Variants in RPS6KA1 observed in about 807,000 individuals in gnomAD.
RPS6KA1 encodes ribosomal protein S6 kinase alpha-1.
A neutral mutation model predicts 91.3 loss-of-function variants in RPS6KA1; 48 were observed. The observed-to-expected ratio is 0.53, with a 90% CI of 0.42 to 0.67. The LOEUF is 0.67. Ranked by LOEUF, RPS6KA1 falls within the 30% of genes least tolerant of loss-of-function variation. The pLI is 0.00. For missense variants in RPS6KA1, 719 were observed against 960.5 expected (o/e 0.75, Z 3.32); for synonymous variants, 359 against 384.7 (o/e 0.93, Z 0.78).
At chr1:26,570,187 T>G (rs767538713) in intron 17 of RPS6KA1, among the ~76,000 whole-genome samples, 1 of 152,034 alleles carries the variant, frequency 6.6e-6, no homozygotes, top group Non-Finnish European at 1.5e-5. Context: ...GGATTGACTA[T>G]GAATGGAACT....
Position 26,574,424 on chromosome 1 carries a change from G to A in RPS6KA1, c.*223G>A, listed in dbSNP as rs755547404. ...CTCTGCTGGTGGAAAGCGATTCACT[G>A]TATAAACTTTTTTTTATGAAAAAAA... On this transcript the variant is annotated 3_prime_UTR_variant, in exon 22 of 22. Transcript: ENST00000374168. The surrounding 1 kb of genome is among the most constrained non-coding windows in gnomAD (Gnocchi z 4.3). 5 of 755,836 alleles carry A rather than the reference G, an allele frequency of 6.6e-6. No homozygotes were observed. The highest frequency in any genetic ancestry group is 7.4e-6 in the Non-Finnish European group (3 of 405,940). 46.8% of individuals were successfully genotyped at this position (755,836 alleles called of 1,614,324 possible).
At chr1:26,552,013 G>A (rs1442361275) in intron 6 of RPS6KA1, among the ~76,000 whole-genome samples, 3 of 152,206 alleles carry the variant, frequency 2.0e-5, no homozygotes, top group Non-Finnish European at 4.4e-5. Context: ...TGAAGATAGG[G>A]GAGAAGCCCA....
chr1:26,573,151 G>T, intron 20 of RPS6KA1, 73 bp from the exon 21 acceptor site: 1 of 1,487,608 alleles, frequency 6.7e-7, no homozygotes, highest in Non-Finnish European at 9.2e-7. Context: ...GGAGATGGTT[G>T]CCCTCCTGTG....
chr1:26,533,610 C>A (rs2075884722), intron 1 of RPS6KA1, among the ~76,000 whole-genome samples: 1 of 152,128 alleles, frequency 6.6e-6, no homozygotes, highest in African/African-American at 2.4e-5. Flanking sequence ...GAGGCTGAGG[C>A]AGAAGAATTG....
At chr1:26,544,688 A>G (rs1216146155) in intron 2 of RPS6KA1, among the ~76,000 whole-genome samples, 1 of 151,440 alleles carries the variant, frequency 6.6e-6, no homozygotes, top group Non-Finnish European at 1.5e-5. Flanking sequence ...GTTAGCCAGG[A>G]TGGTCTCGAT....
chr1:26,557,775 T>TCCC (rs2076115844), intron 13 of RPS6KA1, among the ~76,000 whole-genome samples: 1 of 88,906 alleles, frequency 1.1e-5, no homozygotes, highest in African/African-American at 4.5e-5. Flanking sequence ...TCCCCTCCCC[T>TCCC]CTCCTCCCCT....
rs138370781 is a variant in RPS6KA1, at chr1:26,561,577, C to A, written c.1504C>A (p.Leu502Met). 1 of 1,614,142 alleles carries A rather than the reference C, an allele frequency of 6.2e-7. No homozygotes were observed. The highest frequency in any genetic ancestry group is 1.3e-5 in the African/African-American group (1 of 75,024). The change falls in exon 17 of 22, where the codon CTG (leucine) becomes ATG (methionine). Residue 502 changes from leucine (L) to methionine (M), a missense_variant. Leu to Met is a conservative substitution (Grantham distance 15). Transcript: ENST00000374168. This position sits in a 1 kb window ranked among gnomAD's most constrained non-coding sequence, Gnocchi z 5.7. ...GGGTGGGGAGCTGCTGGACAAGATC[C>A]TGCGGCAGAAGTTCTTCTCAGAGCG... ...MRGGELLDKI[L>M]RQKFFSEREA...
intron 13 of RPS6KA1, among the ~76,000 whole-genome samples, chr1:26,557,888 G>A (rs1169422245): frequency 6.7e-6 from 1 of 150,312 alleles, no homozygotes; most frequent in Non-Finnish European, 1.5e-5. Flanking sequence ...GAATGCAATG[G>A]CGTGATCTCA....
chr1:26,555,528 C>G lies in RPS6KA1; in HGVS notation c.828-9C>G, dbSNP rs1387932606. 30 of 1,579,110 alleles carry G rather than the reference C, an allele frequency of 1.9e-5. No individual in the cohort carries two copies. In the East Asian group the frequency reaches 7.0e-4, roughly 37 times the overall value. On this transcript the variant is annotated splice_polypyrimidine_tract_variant and intron_variant, in intron 10 of 21. Transcript: ENST00000374168. This position sits in a 1 kb window ranked among gnomAD's most constrained non-coding sequence, Gnocchi z 4.3. ...GCTCAGCCTTGATGAGTCCCGGGGG[C>G]TGTTTCAGGGCGAAGCTAGGCATGC...
At position 26,533,535 on chromosome 1, in the gene RPS6KA1, G is replaced by A. The variant is rs191830504; in HGVS notation, c.64-3390G>A. Among the ~76,000 whole-genome samples, 56 of 152,164 alleles carry A rather than the reference G, an allele frequency of 3.7e-4. No homozygotes were observed. In the East Asian group the frequency reaches 0.01, roughly 28 times the overall value. ...AGCTGGGCCAACATGGCGAAACCCC[G>A]CCTCTACTAAAAATACAAAAATTAG... On this transcript the variant is annotated intron_variant, in intron 1 of 21. Transcript: ENST00000374168.
At chr1:26,564,898 G>A (rs986801020) in intron 17 of RPS6KA1, among the ~76,000 whole-genome samples, 3 of 152,184 alleles carry the variant, frequency 2.0e-5, no homozygotes, top group Admixed American at 6.6e-5. Flanking sequence ...GTTCTTAAGT[G>A]AGTACTCGTT....
chr1:26,536,895 T>C, intron 1 of RPS6KA1, 30 bp from the exon 2 acceptor site: 1 of 1,613,450 alleles, frequency 6.2e-7, no homozygotes, highest in South Asian at 1.1e-5. Flanking sequence ...GTTCTGACAG[T>C]GCTCCCCCAA....
chr1:26,561,202 G>A lies in RPS6KA1; in HGVS notation c.1431+68G>A, dbSNP rs2076151707. 6.3e-6 allele frequency: 9 copies of A among 1,426,670 alleles called. No individual in the cohort carries two copies. The highest frequency in any genetic ancestry group is 8.9e-6 in the Non-Finnish European group (9 of 1,015,346). 88.4% of individuals were successfully genotyped at this position (1,426,670 alleles called of 1,614,324 possible). ...AACTCTCAGGATTTGTCTCAGGATT[G>A]CCATTCCTTTGACTTCTCATCCTCT... is the stretch of plus-strand genomic sequence containing the variant. On this transcript the variant is annotated intron_variant, in intron 16 of 21. Coordinates refer to ENST00000374168, the MANE Select transcript of RPS6KA1 (RefSeq NM_002953.4). The surrounding 1 kb of genome is among the most constrained non-coding windows in gnomAD (Gnocchi z 5.7).
At position 26,537,031 on chromosome 1, in the gene RPS6KA1, G is replaced by A. The variant is rs2075912028; in HGVS notation, c.108+62G>A. 21 of 1,581,266 alleles carry A rather than the reference G, an allele frequency of 1.3e-5. No homozygotes were observed. In the East Asian group the frequency reaches 1.8e-4, roughly 13 times the overall value. ...TGGGGGATCCTGTTTGCATGGCTTTGGAGGAGGTTGAGGGCTCCAGCCTCT... is the reference window on the plus strand; with the variant it reads ...TGGGGGATCCTGTTTGCATGGCTTTAGAGGAGGTTGAGGGCTCCAGCCTCT... On this transcript the variant is annotated intron_variant, in intron 2 of 21. Transcript: ENST00000374168.
Position 26,555,764 on chromosome 1 carries a change from T to C in RPS6KA1, c.916+139T>C, listed in dbSNP as rs2124643447. The C allele has an allele frequency of 1.2e-6, 1 of 817,932 alleles. No individual in the cohort carries two copies. The highest frequency in any genetic ancestry group is 2.0e-6 in the Non-Finnish European group (1 of 495,676). The allele number at this position is 817,932 out of a possible 1,614,324, so 50.7% of individuals were successfully genotyped here. A position where few individuals can be genotyped will look rare whatever the true frequency, so the allele number is the denominator to read the frequency against. ...CAGACAATGCCGCGGGCCACCCTGC[T>C]TTCTGGCTCCATGTGTGGTGTTGTG... On this transcript the variant is annotated intron_variant, in intron 11 of 21. Coordinates refer to ENST00000374168, the MANE Select transcript of RPS6KA1 (RefSeq NM_002953.4). This position sits in a 1 kb window ranked among gnomAD's most constrained non-coding sequence, Gnocchi z 4.3.
Position 26,571,529 on chromosome 1 carries a change from C to G in RPS6KA1, c.1671C>G (p.Asp557Glu). 6.2e-7 allele frequency: 1 copy of G among 1,614,270 alleles called. No individual in the cohort carries two copies. Among genetic ancestry groups the G allele is most frequent in the South Asian group, 1.1e-5 (1 of 91,086 alleles). Reference sequence around the variant, plus strand: ...ATCCCGAGTGCCTGCGCATCTGTGACTTTGGTTTTGCCAAACAGCTGCGGG... The same window carrying G: ...ATCCCGAGTGCCTGCGCATCTGTGAGTTTGGTTTTGCCAAACAGCTGCGGG... ...SGNPECLRIC[D>E]FGFAKQLRAE... The change falls in exon 18 of 22, where the codon GAC becomes GAG. Residue 557 changes from aspartate to glutamate, a missense_variant. By Grantham distance (45) the Asp-to-Glu change is conservative. Around this residue, in one of 5 missense-constraint regions of RPS6KA1, gnomAD observed 249 missense variants for 323.1 expected, o/e 0.77. Coordinates refer to ENST00000374168, the MANE Select transcript of RPS6KA1 (RefSeq NM_002953.4). The surrounding 1 kb of genome is among the most constrained non-coding windows in gnomAD (Gnocchi z 5.1).
Position 26,558,747 on chromosome 1 carries a change from C to A in RPS6KA1, c.1085-60C>A. ...GGCCCTGTGCTCCCCCTTTGCTGGGCTGCCTCAGGGTCGAGGGGACCTCCT... is the reference window on the plus strand; with the variant it reads ...GGCCCTGTGCTCCCCCTTTGCTGGGATGCCTCAGGGTCGAGGGGACCTCCT... On this transcript the variant is annotated intron_variant, in intron 13 of 21. Coordinates refer to ENST00000374168, the MANE Select transcript of RPS6KA1 (RefSeq NM_002953.4). The surrounding 1 kb of genome is among the most constrained non-coding windows in gnomAD (Gnocchi z 4.0). 6.5e-7 allele frequency: 1 copy of A among 1,548,806 alleles called. No individual in the cohort carries two copies. The highest frequency in any genetic ancestry group is 8.8e-7 in the Non-Finnish European group (1 of 1,139,088).
chr1:26,554,609 C>A lies in RPS6KA1; in HGVS notation c.627C>A (p.Ser209Arg). ...GHIKLTDFGLSKEAIDHEKKA... is the reference protein window; with the variant it reads ...GHIKLTDFGLRKEAIDHEKKA... ...TCCTTGCTGTAGACTTTGGCCTGAG[C>A]AAAGAGGCCATTGACCACGAGAAGA... Residue 209 changes from serine to arginine, a missense_variant, in exon 9 of 22, where the codon AGC becomes AGA. Coordinates refer to ENST00000374168, the MANE Select transcript of RPS6KA1 (RefSeq NM_002953.4). The surrounding 1 kb of genome is among the most constrained non-coding windows in gnomAD (Gnocchi z 4.6). 6.2e-7 allele frequency: 1 copy of A among 1,612,802 alleles called. No individual in the cohort carries two copies. Among genetic ancestry groups the A allele is most frequent in the Non-Finnish European group, 8.5e-7 (1 of 1,179,078 alleles).
Position 26,553,453 on chromosome 1 carries a change from C to T in RPS6KA1, c.531C>T (p.His177=). The T allele has an allele frequency of 2.5e-6, 4 of 1,612,966 alleles. No individual in the cohort carries two copies. The highest frequency in any genetic ancestry group is 3.4e-6 in the Non-Finnish European group (4 of 1,179,306). ...CTGAGCTGGCTCTGGGCCTGGATCA[C>T]CTGCACAGCCTGGGTATCATTTACA... is the stretch of plus-strand genomic sequence containing the variant. ...YLAELALGLD[H]LHSLGIIYRD... Residue 177 remains histidine (H), a synonymous_variant, in exon 7 of 22, where the codon CAC becomes CAT. Coordinates refer to ENST00000374168, the MANE Select transcript of RPS6KA1 (RefSeq NM_002953.4).
Sources: gnomAD v4.1 joint callset for allele counts (sites outside exome capture counted in the v4.1 genomes callset) on GRCh38, gnomAD v4.1.1 for gene constraint, gnomAD v4.1.1 regional missense constraint, Gnocchi (gnomAD v3.1) non-coding constraint, MANE v1.5 for transcripts, NCBI Gene and HGNC (gene_info 2026-07-23, HGNC 2026-07-21) for gene names.